PCDHA10: variants seen among roughly 807,000 people sequenced by gnomAD.
PCDHA10 encodes protocadherin alpha 10.
A neutral mutation model predicts 61.2 loss-of-function variants in PCDHA10; 45 were observed. That is an observed-to-expected ratio of 0.74 (90% CI 0.58 to 0.94). The LOEUF (loss-of-function observed/expected upper bound fraction) is 0.94, where lower values mean the gene tolerates loss of function less well. PCDHA10 is among the 40% of genes least tolerant of loss of function. PCDHA10 has a pLI of 0.00. For synonymous variants in PCDHA10, 602 were observed against 548.8 expected, an observed-to-expected ratio of 1.10 and a Z score of -1.35; for missense variants, 1,278 against 1,236.2, an observed-to-expected ratio of 1.03 and a Z score of -0.51.
At chr5:140,967,315 G>A (rs1554229427) in intron 1 of PCDHA10, 1 of 1,610,854 alleles carries the variant, frequency 6.2e-7, no homozygotes, top group African/African-American at 1.3e-5. Context: ...ACTCAGTACA[G>A]ACCTACGAGC....
chr5:140,966,161 CT>C, intron 1 of PCDHA10: 1 of 175,442 alleles, frequency 5.7e-6, no homozygotes. Context: ...GCTTGGAGAT[CT>C]TTTCCTGGGG....
At chr5:140,890,697 C>G (rs1479609896) in intron 1 of PCDHA10, among the ~76,000 whole-genome samples, 1 of 152,124 alleles carries the variant, frequency 6.6e-6, no homozygotes, top group Non-Finnish European at 1.5e-5. Context: ...ATGCAGGGAC[C>G]TTACATTTTT....
intron 1 of PCDHA10, among the ~76,000 whole-genome samples, chr5:140,920,775 T>G (rs1007654952): frequency 5.4e-5 from 8 of 147,470 alleles, no homozygotes; most frequent in African/African-American, 1.8e-4. Context: ...ACCTGGGAGG[T>G]GGAGGTTGCA....
At chr5:140,999,845 T>G (rs1293721817) in intron 3 of PCDHA10, among the ~76,000 whole-genome samples, 1 of 152,188 alleles carries the variant, frequency 6.6e-6, no homozygotes, top group Non-Finnish European at 1.5e-5. Flanking sequence ...CAAGTGTATT[T>G]ATCTCTTCCG....
At chr5:140,869,940 C>T in intron 1 of PCDHA10, 1 of 1,612,138 alleles carries the variant, frequency 6.2e-7, no homozygotes, top group African/African-American at 1.3e-5. Flanking sequence ...AGGTAACATA[C>T]TCCTTAATGT....
chr5:140,982,071 G>A (rs1484711558), intron 2 of PCDHA10, among the ~76,000 whole-genome samples: 12 of 151,172 alleles, frequency 7.9e-5, no homozygotes, highest in Admixed American at 7.9e-4. Flanking sequence ...TTCTTCTTTA[G>A]AGTAGAGAAC....
intron 1 of PCDHA10, chr5:140,871,145 C>T (rs1249708738): frequency 1.2e-6 from 2 of 1,613,300 alleles, no homozygotes; most frequent in East Asian, 2.2e-5. Context: ...TCTTCCCGGA[C>T]TTTGGCGGGC....
chr5:140,884,260 G>A (rs781862611), intron 1 of PCDHA10: 19 of 1,613,410 alleles, frequency 1.2e-5, no homozygotes, highest in Non-Finnish European at 1.5e-5. Flanking sequence ...CCACGGCAAC[G>A]GTGCTGTTGT....
At chr5:140,971,510 A>G (rs1166115283) in intron 1 of PCDHA10, among the ~76,000 whole-genome samples, 3 of 152,152 alleles carry the variant, frequency 2.0e-5, no homozygotes, top group Non-Finnish European at 2.9e-5. Flanking sequence ...TAGGAGCAAA[A>G]GCCACTCAGT....
At chr5:140,987,565 T>C (rs1407426548) in intron 3 of PCDHA10, among the ~76,000 whole-genome samples, 1 of 152,344 alleles carries the variant, frequency 6.6e-6, no homozygotes, top group East Asian at 1.9e-4. Flanking sequence ...TCTCAGTTTC[T>C]TTCTCTATAA....
chr5:141,002,246 C>G (rs1217451636), intron 3 of PCDHA10, among the ~76,000 whole-genome samples: 1 of 152,190 alleles, frequency 6.6e-6, no homozygotes, highest in Non-Finnish European at 1.5e-5. Flanking sequence ...CTTTATTAAC[C>G]TCAGCACTGA....
chr5:140,870,805 C>T, intron 1 of PCDHA10: 4 of 1,613,712 alleles, frequency 2.5e-6, no homozygotes, highest in Non-Finnish European at 3.4e-6. Flanking sequence ...GCTGGCGACT[C>T]AGGCTGGCAG....
At chr5:140,884,206 C>T (rs1554181328) in intron 1 of PCDHA10, 1 of 1,613,542 alleles carries the variant, frequency 6.2e-7, no homozygotes, top group Admixed American at 1.7e-5. Context: ...CGCACCACCG[C>T]CTTCTGGTGC....
At chr5:140,963,032 T>G (rs541613535) in intron 1 of PCDHA10, among the ~76,000 whole-genome samples, 2 of 152,172 alleles carry the variant, frequency 1.3e-5, no homozygotes, top group African/African-American at 2.4e-5. Flanking sequence ...CAATTAACAT[T>G]TATTGAGAGT....
chr5:140,874,622 A>G (rs554375384), intron 1 of PCDHA10, among the ~76,000 whole-genome samples: 5 of 152,374 alleles, frequency 3.3e-5, no homozygotes, highest in Non-Finnish European at 7.3e-5. Flanking sequence ...TAAACATTTT[A>G]CATTAAAGTG....
chr5:140,858,061 C>A lies in PCDHA10; in HGVS notation c.2013C>A (p.Gly671=), dbSNP rs1554151115. The change falls in exon 1 of 4, where the codon GGC becomes GGA. Residue 671 remains glycine (G), a synonymous_variant. Coordinates refer to ENST00000307360, the MANE Select transcript of PCDHA10 (RefSeq NM_018901.4). The stretch of plus-strand genomic sequence containing the variant: ...CTGTGCTTGTGTCGCTTGTGGAGGG[C>A]AGCCAGGCACCCAAGGCCTCGTCGC... ...TATVLVSLVE[G]SQAPKASSRA... The A allele has an allele frequency of 6.3e-7, 1 of 1,597,498 alleles. No individual in the cohort carries two copies. Among genetic ancestry groups the A allele is most frequent in the South Asian group, 1.1e-5 (1 of 90,518 alleles).
intron 3 of PCDHA10, among the ~76,000 whole-genome samples, chr5:140,985,542 C>T (rs2097157092): frequency 6.6e-6 from 1 of 152,106 alleles, no homozygotes; most frequent in African/African-American, 2.4e-5. Context: ...GGTGAAGATG[C>T]AGTTGCTTCC....
chr5:140,917,710 G>T (rs2078316558), intron 1 of PCDHA10, among the ~76,000 whole-genome samples: 3 of 152,132 alleles, frequency 2.0e-5, no homozygotes. Flanking sequence ...TTGTAGGTGT[G>T]CAGCTTTATT....
intron 3 of PCDHA10, among the ~76,000 whole-genome samples, chr5:140,990,137 G>C (rs548002411): frequency 2.0e-4 from 31 of 152,224 alleles, no homozygotes; most frequent in African/African-American, 7.2e-4. Context: ...TCAGACTCAA[G>C]AGGCATAATA....
Sources: gnomAD v4.1 joint callset for allele counts (sites outside exome capture counted in the v4.1 genomes callset) on GRCh38, gnomAD v4.1.1 for gene constraint, MANE v1.5 for transcripts, NCBI Gene and HGNC (gene_info 2026-07-23, HGNC 2026-07-21) for gene names.